Variants in PKHD1 observed in about 807,000 individuals in gnomAD.
The protein encoded by PKHD1 is fibrocystin.
PKHD1 carries 291 observed loss-of-function variants against 412.0 expected under a neutral mutation model. The observed-to-expected ratio is 0.71, with a 90% CI of 0.64 to 0.78. The LOEUF (loss-of-function observed/expected upper bound fraction) is 0.78, where lower values mean the gene tolerates loss of function less well. Ranked by LOEUF, PKHD1 falls within the 30% of genes least tolerant of loss-of-function variation. PKHD1 has a pLI of 0.00. For synonymous variants in PKHD1, 1,777 were observed against 1,821.5 expected, an observed-to-expected ratio of 0.98 and a Z score of 0.62; for missense variants, 4,825 against 4,950.7, an observed-to-expected ratio of 0.97 and a Z score of 0.76.
intron 60 of PKHD1, among the ~76,000 whole-genome samples, chr6:51,691,186 G>A (rs1411648501): frequency 6.6e-6 from 1 of 151,652 alleles, no homozygotes; most frequent in Non-Finnish European, 1.5e-5. Context: ...GAGAAAAAAG[G>A]AATGCTTATA....
At chr6:51,976,222 C>T (rs1189200786) in intron 35 of PKHD1, among the ~76,000 whole-genome samples, 3 of 152,068 alleles carry the variant, frequency 2.0e-5, no homozygotes, top group Non-Finnish European at 2.9e-5. Flanking sequence ...TTACAATAGC[C>T]AAAAGGTGGA....
rs1404779241 is a variant in PKHD1 at position 51,632,671 on chromosome 6, C to T, written c.11559G>A (p.Arg3853=). 2 of 1,613,512 alleles carry T rather than the reference C, an allele frequency of 1.2e-6. No individual in the cohort carries two copies. Among genetic ancestry groups the T allele is most frequent in the African/African-American group, 2.7e-5 (2 of 74,992 alleles). The change falls in exon 65 of 67, where the codon AGG becomes AGA. Residue 3853 remains arginine (R), a synonymous_variant. Coordinates refer to ENST00000371117, the MANE Select transcript of PKHD1 (RefSeq NM_138694.4). ...SKPFAVLPVT[R]KEKSTIILAA... ...CCAGGATGATGGTCGACTTCTCCTT[C>T]CTAGTCACAGGCAAGACAGCAAATG...
intron 5 of PKHD1, among the ~76,000 whole-genome samples, chr6:52,077,204 G>T (rs1811443537): frequency 6.6e-6 from 1 of 152,180 alleles, no homozygotes; most frequent in Non-Finnish European, 1.5e-5. Context: ...TGCCTGGAAG[G>T]AGAGGTGAGA....
chr6:51,829,940 CTCTG>C (rs1767963648), intron 52 of PKHD1, among the ~76,000 whole-genome samples: 1 of 152,128 alleles, frequency 6.6e-6, no homozygotes, highest in South Asian at 2.1e-4. Context: ...GCCTCTGTTT[CTCTG>C]TCTGTAAAAG....
chr6:51,962,713 C>T (rs1018537484), intron 35 of PKHD1, among the ~76,000 whole-genome samples: 3 of 152,080 alleles, frequency 2.0e-5, no homozygotes, highest in Non-Finnish European at 2.9e-5. Flanking sequence ...TCCCGGGATG[C>T]TCTTTCCCAA....
chr6:51,658,932 T>C lies in PKHD1; in HGVS notation c.11174+20A>G. The C allele has an allele frequency of 6.5e-7, 1 of 1,548,602 alleles. No homozygotes were observed. Among genetic ancestry groups the C allele is most frequent in the Non-Finnish European group, 8.9e-7 (1 of 1,120,540 alleles). ...TAAAAAATCAGCCCTCATTTGGATGTGAATATAATTAGTACTTACCCATAG... is the reference window on the plus strand; with the variant it reads ...TAAAAAATCAGCCCTCATTTGGATGCGAATATAATTAGTACTTACCCATAG... On this transcript the variant is annotated intron_variant, in intron 61 of 66. Coordinates refer to ENST00000371117, the MANE Select transcript of PKHD1 (RefSeq NM_138694.4).
At chr6:52,040,628 C>A (rs960547862) in intron 27 of PKHD1, among the ~76,000 whole-genome samples, 6 of 152,210 alleles carry the variant, frequency 3.9e-5, no homozygotes, top group African/African-American at 1.4e-4. Flanking sequence ...ACCTCCATGA[C>A]ATTCTGGAAC....
intron 29 of PKHD1, among the ~76,000 whole-genome samples, chr6:52,030,737 G>A (rs1802914986): frequency 6.6e-6 from 1 of 152,150 alleles, no homozygotes; most frequent in South Asian, 2.1e-4. Context: ...TCAGCAGCCT[G>A]GTGGGTAGCC....
Position 52,025,170 on chromosome 6 carries a change from G to T in PKHD1, c.4640C>A (p.Pro1547His). Residue 1547 changes from proline to histidine, a missense_variant, in exon 32 of 67, where the codon CCC becomes CAC. Pro to His is a moderately conservative substitution (Grantham distance 77). Transcript: ENST00000371117. ...TGTATAAAAAACTGACAGGTAGTGG[G>T]GTCCTGGGGCCAAGTCTCTTGTCTG... The part of the protein sequence containing the change: ...VCQTRDLAPG[P>H]HYLSVFYTRN... 1.9e-6 allele frequency: 3 copies of T among 1,614,124 alleles called. No individual in the cohort carries two copies. Among genetic ancestry groups the T allele is most frequent in the Non-Finnish European group, 2.5e-6 (3 of 1,180,010 alleles).
intron 27 of PKHD1, among the ~76,000 whole-genome samples, chr6:52,042,582 C>T (rs763279985): frequency 2.6e-5 from 4 of 152,168 alleles, no homozygotes; most frequent in Admixed American, 6.5e-5. Flanking sequence ...TCCCAGTGTG[C>T]ATCAGTTCAC....
intron 64 of PKHD1, among the ~76,000 whole-genome samples, chr6:51,637,127 T>C (rs2244602): frequency 0.043 from 6,507 of 152,294 alleles, 233 homozygotes; most frequent in African/African-American, 0.093. Flanking sequence ...TTACAACCTA[T>C]TCCTTAAAAT....
At chr6:51,639,323 G>A (rs958392032) in intron 63 of PKHD1, among the ~76,000 whole-genome samples, 1 of 151,880 alleles carries the variant, frequency 6.6e-6, no homozygotes, top group African/African-American at 2.4e-5. Flanking sequence ...CCTGATTTCA[G>A]TCTGCATTCT....
intron 56 of PKHD1, among the ~76,000 whole-genome samples, chr6:51,754,569 GTGTGTA>G (rs1281157167): frequency 6.6e-6 from 1 of 152,170 alleles, no homozygotes; most frequent in Non-Finnish European, 1.5e-5. Context: ...GCATGTGTAT[GTGTGTA>G]TGTGTATAAC....
chr6:51,662,203 A>C (rs890364898), intron 60 of PKHD1, among the ~76,000 whole-genome samples: 12 of 151,956 alleles, frequency 7.9e-5, no homozygotes, highest in Non-Finnish European at 1.6e-4. Flanking sequence ...GAATTATCTA[A>C]AAGCAATGTC....
intron 65 of PKHD1, among the ~76,000 whole-genome samples, chr6:51,632,226 C>T (rs1226704714): frequency 6.6e-6 from 1 of 152,016 alleles, no homozygotes; most frequent in East Asian, 1.9e-4. Flanking sequence ...TCCCCTGATT[C>T]TTTAACTCAC....
chr6:52,052,434 C>A lies in PKHD1; in HGVS notation c.2140+642G>T, dbSNP rs142534236. Among the ~76,000 whole-genome samples the A allele has an allele frequency of 2.5e-3, 386 of 152,282 alleles. 2 individuals are homozygous for A. The highest frequency in any genetic ancestry group is 9.0e-3 in the African/African-American group (372 of 41,550). On this transcript the variant is annotated intron_variant, in intron 21 of 66. Coordinates refer to ENST00000371117, the MANE Select transcript of PKHD1 (RefSeq NM_138694.4). ...TCGGGAAGGAAGAGCCGGGCCTGAT[C>A]TCTAAATAATGAGTAGGAAGAGTCT...
chr6:52,062,109 A>G (rs1346387085), intron 14 of PKHD1, among the ~76,000 whole-genome samples: 2 of 152,194 alleles, frequency 1.3e-5, no homozygotes, highest in African/African-American at 2.4e-5. Flanking sequence ...TTCCTACAGC[A>G]TGCTGCCTAG....
intron 60 of PKHD1, among the ~76,000 whole-genome samples, chr6:51,734,636 C>A (rs762982632): frequency 6.6e-6 from 1 of 151,912 alleles, no homozygotes; most frequent in African/African-American, 2.4e-5. Flanking sequence ...CTCCATATTC[C>A]TGAGTTCTGC....
chr6:51,855,789 C>G, intron 49 of PKHD1, 104 bp downstream of exon 49: 2 of 931,972 alleles, frequency 2.1e-6, no homozygotes, highest in Non-Finnish European at 3.6e-6. Flanking sequence ...CCAAGACTTT[C>G]AATAACGAGA....
Sources: gnomAD v4.1 joint callset for allele counts (sites outside exome capture counted in the v4.1 genomes callset) on GRCh38, gnomAD v4.1.1 for gene constraint, MANE v1.5 for transcripts, NCBI Gene and HGNC (gene_info 2026-07-23, HGNC 2026-07-21) for gene names.